The following XXYLT1 variants were observed in gnomAD, a reference collection of about 807,000 sequenced individuals.
XXYLT1 encodes xyloside xylosyltransferase 1, also known as UDP-xylose:alpha-xyloside alpha-1,3-xylosyltransferase.
In XXYLT1, 20 loss-of-function variants were observed where a neutral mutation model predicts 28.9. The observed-to-expected ratio is 0.69, with a 90% CI of 0.49 to 1.00. The LOEUF (loss-of-function observed/expected upper bound fraction) is 1.00. Ranked by LOEUF, XXYLT1 falls within the 50% of genes least tolerant of loss-of-function variation. The probability of loss-of-function intolerance (pLI) is 0.00; values close to 1 mark genes in which losing one functional copy is unlikely to be tolerated. For missense variants in XXYLT1, 542 were observed against 560.1 expected, an observed-to-expected ratio of 0.97 and a Z score of 0.33; for synonymous variants, 257 against 253.8, an observed-to-expected ratio of 1.01 and a Z score of -0.12.
chr3:195,112,569 G>GCACA (rs1190603704), intron 3 of XXYLT1, among the ~76,000 whole-genome samples: 3 of 143,308 alleles, frequency 2.1e-5, no homozygotes, highest in African/African-American at 5.3e-5. Context: ...ATGAAGCAGT[G>GCACA]CACACACACG....
chr3:195,216,582 G>A (rs1218130363), intron 2 of XXYLT1, among the ~76,000 whole-genome samples: 5 of 148,704 alleles, frequency 3.4e-5, no homozygotes, highest in East Asian at 2.0e-4. Flanking sequence ...TAAATTCCTC[G>A]ACACATACAC....
At chr3:195,166,028 G>A (rs1264926141) in intron 2 of XXYLT1, among the ~76,000 whole-genome samples, 1 of 151,922 alleles carries the variant, frequency 6.6e-6, no homozygotes, top group East Asian at 1.9e-4. Context: ...AGTCTGATAA[G>A]AATGACACAG....
intron 2 of XXYLT1, among the ~76,000 whole-genome samples, chr3:195,193,286 T>TA (rs57822506): frequency 0.014 from 1,597 of 110,946 alleles, 44 homozygotes; most frequent in Admixed American, 0.083. Flanking sequence ...AGACTCCGTC[T>TA]AAAAAAAAAA....
chr3:195,245,241 A>T (rs1191672356), intron 1 of XXYLT1, among the ~76,000 whole-genome samples: 1 of 147,376 alleles, frequency 6.8e-6, no homozygotes, highest in Non-Finnish European at 1.5e-5. Flanking sequence ...GCTCACTGCA[A>T]TCTCTGCCTC....
Position 195,204,354 on chromosome 3 carries a change from AAGAG to A in XXYLT1, c.652+22351_652+22354del, listed in dbSNP as rs541967408. 2.8e-3 allele frequency among the ~76,000 whole-genome samples: 418 copies of A among 151,530 alleles called. 4 individuals are homozygous for A. Among genetic ancestry groups the A allele is most frequent in the African/African-American group, 7.0e-3 (288 of 41,282 alleles). On this transcript the variant is annotated intron_variant, in intron 2 of 3. Transcript: ENST00000310380. The stretch of plus-strand genomic sequence containing the variant: ...AAGACTCTGTCTCAAAAAAAAAAAA[AAGAG>A]AGAGAGAGAGAGAAAACTACCATCA...
intron 3 of XXYLT1, among the ~76,000 whole-genome samples, chr3:195,143,843 GATAT>G (rs72344936): frequency 6.7e-5 from 6 of 89,402 alleles, no homozygotes; most frequent in South Asian, 4.6e-4. Context: ...TATAGATATA[GATAT>G]ATATATAGAT....
At chr3:195,179,999 G>A (rs1177426837) in intron 2 of XXYLT1, among the ~76,000 whole-genome samples, 9 of 152,138 alleles carry the variant, frequency 5.9e-5, no homozygotes, top group Non-Finnish European at 8.8e-5. Flanking sequence ...GCTCCAGGCC[G>A]GGACTCCACA....
intron 1 of XXYLT1, among the ~76,000 whole-genome samples, chr3:195,228,574 C>T (rs1023439316): frequency 6.7e-6 from 1 of 150,364 alleles, no homozygotes; most frequent in Non-Finnish European, 1.5e-5. Context: ...TCACTGACAC[C>T]GCCTCCCGGG....
chr3:195,190,493 C>CAAAAAAAAAAA (rs57722997), intron 2 of XXYLT1, among the ~76,000 whole-genome samples: 1 of 34,980 alleles, frequency 2.9e-5, no homozygotes, highest in African/African-American at 6.4e-5. Context: ...GACTCTGTCT[C>CAAAAAAAAAAA]AAAAAAAAAA....
chr3:195,112,072 C>T (rs1453014191), intron 3 of XXYLT1, among the ~76,000 whole-genome samples: 2 of 152,198 alleles, frequency 1.3e-5, no homozygotes, highest in African/African-American at 4.8e-5. Context: ...TCAATCAGTA[C>T]ATTGGTATAT....
intron 2 of XXYLT1, chr3:195,175,508 G>C: frequency 8.3e-7 from 1 of 1,209,212 alleles, no homozygotes; most frequent in Non-Finnish European, 1.1e-6. Context: ...GTTGCATGTT[G>C]ACTTTGCTGC....
intron 1 of XXYLT1, among the ~76,000 whole-genome samples, chr3:195,253,451 T>C (rs1417214534): frequency 3.3e-5 from 5 of 151,998 alleles, no homozygotes; most frequent in African/African-American, 1.2e-4. Context: ...CCCAACTCTC[T>C]GAGAGCCACA....
chr3:195,237,760 T>G (rs1051112109), intron 1 of XXYLT1, among the ~76,000 whole-genome samples: 1 of 152,224 alleles, frequency 6.6e-6, no homozygotes, highest in African/African-American at 2.4e-5. Context: ...GTCTTCATGC[T>G]TCTCTTCTAA....
intron 3 of XXYLT1, among the ~76,000 whole-genome samples, chr3:195,111,367 G>C (rs1717703534): frequency 6.6e-6 from 1 of 152,188 alleles, no homozygotes; most frequent in Admixed American, 6.5e-5. Flanking sequence ...GTGGTGGTTA[G>C]GGCTTCAGCG....
In XXYLT1 at chr3:195,134,884, C is replaced by CAT. The variant is rs1553808228; in HGVS notation, c.785+21564_785+21565insAT. 2.1e-4 allele frequency among the ~76,000 whole-genome samples: 14 copies of CAT among 66,810 alleles called. 1 individual carries two copies. In the East Asian group the frequency reaches 0.035, roughly 165 times the overall value. 43.8% of individuals were successfully genotyped at this position (66,810 alleles called of 152,430 possible). A position where few individuals can be genotyped will look rare whatever the true frequency, so the allele number is the denominator to read the frequency against. ...GTGTGTGTGTGCGTGTGCGCGCGTG[C>CAT]GCGCACGTGCAAAGAGCTATCAGCT... On this transcript the variant is annotated intron_variant, in intron 3 of 3. Coordinates refer to ENST00000310380, the MANE Select transcript of XXYLT1 (RefSeq NM_152531.5).
intron 2 of XXYLT1, among the ~76,000 whole-genome samples, chr3:195,167,366 G>A (rs1050963622): frequency 1.3e-5 from 2 of 152,146 alleles, no homozygotes; most frequent in Admixed American, 6.5e-5. Flanking sequence ...CGAGGCGGAT[G>A]GATCACCTGA....
intron 1 of XXYLT1, among the ~76,000 whole-genome samples, chr3:195,267,594 G>A (rs1725883181): frequency 6.6e-6 from 1 of 152,214 alleles, no homozygotes; most frequent in African/African-American, 2.4e-5. Flanking sequence ...GTGCTAGGGA[G>A]GCAGCATTTA....
chr3:195,153,086 T>C (rs1720364209), intron 3 of XXYLT1, among the ~76,000 whole-genome samples: 5 of 152,210 alleles, frequency 3.3e-5, no homozygotes, highest in Admixed American at 3.3e-4. Flanking sequence ...CGAGACCGCC[T>C]GCTCAAGAGA....
rs1720072078 is a variant in XXYLT1 at position 195,149,532 on chromosome 3, G to T, written c.785+6917C>A. On this transcript the variant is annotated intron_variant, in intron 3 of 3. Transcript: ENST00000310380. ...CCAAACACCCCACGCACGGGGGAAAGTGGAAGCCAGGCTCAGTGAAACAGG... is the reference window on the plus strand; with the variant it reads ...CCAAACACCCCACGCACGGGGGAAATTGGAAGCCAGGCTCAGTGAAACAGG... Among the ~76,000 whole-genome samples the T allele has an allele frequency of 2.0e-5, 3 of 152,194 alleles. No individual in the cohort carries two copies. The South Asian group carries it at 6.2e-4, about 31-fold the overall frequency.
Sources: allele counts gnomAD v4.1 joint callset (sites outside exome capture counted in the v4.1 genomes callset), GRCh38; gene constraint gnomAD v4.1.1; transcripts MANE v1.5; gene names NCBI Gene and HGNC (gene_info 2026-07-23, HGNC 2026-07-21).